The following NBAS variants were observed in gnomAD, a reference collection of about 807,000 sequenced individuals.
NBAS encodes the protein NBAS subunit of NRZ tethering complex.
NBAS carries 219 observed loss-of-function variants against 302.5 expected under a neutral mutation model. That is an observed-to-expected ratio of 0.72 (90% confidence interval 0.65 to 0.81). NBAS has a LOEUF of 0.81. NBAS is among the 30% of genes least tolerant of loss of function. The pLI is 0.00. For missense variants in NBAS, 2,932 were observed against 2,841.6 expected (o/e 1.03, Z -0.72); for synonymous variants, 1,118 against 1,021.6 (o/e 1.09, Z -1.80).
At chr2:15,186,085 TACACACACACAC>T (rs80317869) in intron 50 of NBAS, among the ~76,000 whole-genome samples, 42 of 147,316 alleles carry the variant, frequency 2.9e-4, no homozygotes, top group African/African-American at 9.1e-4. Flanking sequence ...CATATATATA[TACACACACACAC>T]ACACACACAC....
chr2:15,517,537 A>G (rs973522077), intron 9 of NBAS, among the ~76,000 whole-genome samples: 16 of 151,706 alleles, frequency 1.1e-4, no homozygotes, highest in Admixed American at 9.8e-4. Context: ...GTGAATGTAT[A>G]CACACACACA....
intron 51 of NBAS, chr2:15,178,175 A>T (rs1171136574): frequency 1.1e-5 from 5 of 469,950 alleles, no homozygotes; most frequent in Non-Finnish European, 2.2e-5. Context: ...ATTTTTGTTT[A>T]AAAAAATAGC....
chr2:15,405,505 C>T lies in NBAS; in HGVS notation c.2938-3204G>A, dbSNP rs562815025. Among the ~76,000 whole-genome samples, 111 of 152,188 alleles carry T rather than the reference C, an allele frequency of 7.3e-4. 1 individual carries two copies. Among genetic ancestry groups the T allele is most frequent in the African/African-American group, 2.5e-3 (103 of 41,520 alleles). On this transcript the variant is annotated intron_variant, in intron 25 of 51. Transcript: ENST00000281513. The stretch of plus-strand genomic sequence containing the variant: ...TTTTATACTGTCATTTGCCCTTTCT[C>T]AAGCTAAAAGAGGACAGCCCATCTG...
At chr2:14,971,451 G>A in the NBAS span, among the ~76,000 whole-genome samples, 1 of 152,124 alleles carries the variant, frequency 6.6e-6, no homozygotes, top group African/African-American at 2.4e-5. Flanking sequence ...GGAGACGGAG[G>A]TTGCAGTGAG....
the NBAS span, among the ~76,000 whole-genome samples, chr2:14,856,771 A>G: frequency 1.3e-5 from 2 of 152,166 alleles, no homozygotes; most frequent in Admixed American, 1.3e-4. Context: ...CAAAAGAAAA[A>G]CAAAAGCAAT....
the NBAS span, among the ~76,000 whole-genome samples, chr2:15,154,503 A>G: frequency 6.6e-6 from 1 of 152,122 alleles, no homozygotes; most frequent in African/African-American, 2.4e-5. Flanking sequence ...GTTGTTTCTG[A>G]GTATCTGGGG....
chr2:14,841,209 T>A, the NBAS span, among the ~76,000 whole-genome samples: 77,125 of 151,604 alleles, frequency 0.51, 20,374 homozygotes, highest in African/African-American at 0.66. Context: ...AAATAAAAAG[T>A]GATAGATTAA....
the NBAS span, among the ~76,000 whole-genome samples, chr2:15,129,030 T>A: frequency 9.2e-5 from 14 of 152,304 alleles, no homozygotes; most frequent in South Asian, 2.9e-3. Flanking sequence ...TGAGTGCCCA[T>A]GGGCGGGCCC....
At position 15,396,450 on chromosome 2, in the gene NBAS, G is replaced by A. The variant is rs748291331; in HGVS notation, c.3097C>T (p.Leu1033Phe). 1.3e-5 allele frequency: 21 copies of A among 1,603,216 alleles called. No individual in the cohort carries two copies. The South Asian group carries it at 2.3e-4, about 17-fold the overall frequency. ...YGDKTEATTK[L>F]HDMVDQLEQI... The stretch of plus-strand genomic sequence containing the variant: ...TCCAGTTGGTCTACCATGTCATGAA[G>A]CTTTGTGGTTGCCTCTGTCTTATCA... Residue 1033 changes from leucine to phenylalanine, a missense_variant, in exon 27 of 52, where the codon CTT (leucine) becomes TTT (phenylalanine). Coordinates refer to ENST00000281513, the MANE Select transcript of NBAS (RefSeq NM_015909.4).
intron 44 of NBAS, among the ~76,000 whole-genome samples, chr2:15,249,038 T>A (rs1668236402): frequency 6.6e-6 from 1 of 152,158 alleles, no homozygotes; most frequent in African/African-American, 2.4e-5. Flanking sequence ...CCAATATCCC[T>A]GATGAACATC....
chr2:14,839,513 G>T, the NBAS span, among the ~76,000 whole-genome samples: 1 of 152,046 alleles, frequency 6.6e-6, no homozygotes, highest in Non-Finnish European at 1.5e-5. Flanking sequence ...CTGTAACTTA[G>T]CCAATGGAGA....
chr2:15,501,768 CTT>C (rs1162754384), intron 11 of NBAS, among the ~76,000 whole-genome samples: 1 of 142,658 alleles, frequency 7.0e-6, no homozygotes, highest in African/African-American at 2.6e-5. Context: ...TTAAGAGGAA[CTT>C]TTTTTTTTTT....
the NBAS span, among the ~76,000 whole-genome samples, chr2:15,137,681 C>T: frequency 1.3e-5 from 2 of 152,184 alleles, no homozygotes; most frequent in South Asian, 4.1e-4. Context: ...AGAGAGTTCT[C>T]TTCAAAATAA....
At chr2:15,349,983 G>C (rs987095028) in intron 35 of NBAS, among the ~76,000 whole-genome samples, 1 of 151,988 alleles carries the variant, frequency 6.6e-6, no homozygotes. Context: ...GGAGGAAGAG[G>C]CGAAAATTCC....
chr2:15,205,521 T>C (rs1666098392), intron 48 of NBAS, among the ~76,000 whole-genome samples: 1 of 151,542 alleles, frequency 6.6e-6, no homozygotes, highest in Non-Finnish European at 1.5e-5. Context: ...AGAAACATGC[T>C]TCACCTATAA....
At chr2:15,556,130 A>G (rs1664633425) in intron 3 of NBAS, among the ~76,000 whole-genome samples, 1 of 152,212 alleles carries the variant, frequency 6.6e-6, no homozygotes, top group African/African-American at 2.4e-5. Flanking sequence ...AAAAGCAGAA[A>G]GACGTTGGAG....
chr2:15,320,241 C>T lies in NBAS; in HGVS notation c.4582+7509G>A, dbSNP rs956997905. ...CTCAATAAACTAGGTACTGATGGAA[C>T]GAATCTCAAAATAATAAGAGCTATT... On this transcript the variant is annotated intron_variant, in intron 38 of 51. Transcript: ENST00000281513. Among the ~76,000 whole-genome samples the T allele has an allele frequency of 2.3e-4, 35 of 152,168 alleles. 1 individual carries two copies. Among genetic ancestry groups the T allele is most frequent in the Middle Eastern group, 3.4e-3 (1 of 294 alleles).
At chr2:15,163,981 G>A (rs1307662094), downstream of NBAS, among the ~76,000 whole-genome samples, 1 of 152,126 alleles carries the variant, frequency 6.6e-6, no homozygotes, top group Non-Finnish European at 1.5e-5. Context: ...ATTTTTAGGA[G>A]AGATGGGGTT....
the NBAS span, among the ~76,000 whole-genome samples, chr2:15,078,091 C>A: frequency 6.6e-6 from 1 of 152,134 alleles, no homozygotes; most frequent in Non-Finnish European, 1.5e-5. Context: ...TAGGGCCAAG[C>A]ATATGCAAAG....
Sources: allele counts gnomAD v4.1 joint callset (sites outside exome capture counted in the v4.1 genomes callset), GRCh38; gene constraint gnomAD v4.1.1; transcripts MANE v1.5; gene names NCBI Gene and HGNC (gene_info 2026-07-23, HGNC 2026-07-21).